Variants in GREB1L observed in about 807,000 individuals in gnomAD.
GREB1L encodes the protein GREB1-like protein.
A neutral mutation model predicts 200.8 loss-of-function variants in GREB1L; 17 were observed. The ratio of observed to expected loss-of-function variants is 0.08; its 90% CI spans 0.06 to 0.13. GREB1L has a LOEUF of 0.13. Among genes scored for constraint, GREB1L ranks in the 10% least tolerant of loss-of-function variants. The pLI, the probability that GREB1L is intolerant of heterozygous loss-of-function variation, is 1.00. For synonymous variants in GREB1L, 789 were observed against 893.0 expected, an observed-to-expected ratio of 0.88 and a Z score of 2.08; for missense variants, 1,657 against 2,367.7, an observed-to-expected ratio of 0.70 and a Z score of 6.23.
intron 1 of GREB1L, among the ~76,000 whole-genome samples, chr18:21,311,103 TTGG>T (rs951185453): frequency 2.6e-4 from 40 of 152,152 alleles, no homozygotes; most frequent in Non-Finnish European, 5.6e-4. Flanking sequence ...ACTTTAACAC[TTGG>T]TGAGGGACAG....
chr18:21,409,969 C>T (rs2030761302), intron 7 of GREB1L, among the ~76,000 whole-genome samples: 1 of 151,986 alleles, frequency 6.6e-6, no homozygotes, highest in Admixed American at 6.6e-5. Flanking sequence ...CTCTGTATCA[C>T]CTAGTACCAG....
At chr18:21,288,152 T>C (rs1347130135) in intron 1 of GREB1L, among the ~76,000 whole-genome samples, 1 of 152,136 alleles carries the variant, frequency 6.6e-6, no homozygotes, top group Non-Finnish European at 1.5e-5. Context: ...TATTACTTTT[T>C]CCCCCATTCT....
At chr18:21,420,240 C>T (rs1390873866) in intron 7 of GREB1L, among the ~76,000 whole-genome samples, 2 of 151,874 alleles carry the variant, frequency 1.3e-5, no homozygotes, top group Admixed American at 6.6e-5. Flanking sequence ...GGCATGGTGG[C>T]GGGTGCCTGT....
intron 1 of GREB1L, among the ~76,000 whole-genome samples, chr18:21,318,616 A>G (rs1367164852): frequency 3.3e-5 from 5 of 152,174 alleles, no homozygotes; most frequent in Admixed American, 3.3e-4. Flanking sequence ...ACTCAGATAC[A>G]TTTTCATGCA....
chr18:21,404,761 A>C (rs1290855602), intron 7 of GREB1L, among the ~76,000 whole-genome samples: 3 of 152,244 alleles, frequency 2.0e-5, no homozygotes, highest in Non-Finnish European at 4.4e-5. Context: ...AGCCTTGGTT[A>C]TATCTTAGGC....
rs146178839 is a variant in GREB1L, at chr18:21,305,101, G to A, written c.-119-60926G>A. Among the ~76,000 whole-genome samples, 1,162 of 151,842 alleles carry A rather than the reference G, an allele frequency of 7.7e-3. 14 individuals are homozygous for A. The highest frequency in any genetic ancestry group is 0.026 in the African/African-American group (1,088 of 41,402). On this transcript the variant is annotated intron_variant, in intron 1 of 32. Coordinates refer to ENST00000424526, the MANE Select transcript of GREB1L (RefSeq NM_001142966.3). The stretch of plus-strand genomic sequence containing the variant: ...AGCGATTCTCCTGCCTCAGCCTCCC[G>A]AGTAGCTGGGACTACAGGTGCCCAC...
Position 21,440,236 on chromosome 18 carries a change from ATC to A in GREB1L, c.950-29_950-28del, listed in dbSNP as rs545498520. 6.1e-4 allele frequency: 949 copies of A among 1,550,132 alleles called. 7 individuals are homozygous for A. The African/African-American group carries it at 0.012, about 19-fold the overall frequency. On this transcript the variant is annotated intron_variant, in intron 8 of 32. Coordinates refer to ENST00000424526, the MANE Select transcript of GREB1L (RefSeq NM_001142966.3). ...CTTCCACATGGCTGAGAACAAGACT[ATC>A]TCTTTTTTTTGTTTTTTTGTTTGTC... is the stretch of plus-strand genomic sequence containing the variant.
At chr18:21,440,176 T>C (rs2033816600) in intron 8 of GREB1L, 93 bp from the exon 9 acceptor site, 2 of 1,277,852 alleles carry the variant, frequency 1.6e-6, no homozygotes, top group Non-Finnish European at 2.2e-6. Flanking sequence ...TTAAAGGTTC[T>C]GTATTACTTA....
chr18:21,351,301 G>T (rs909371313), intron 1 of GREB1L, among the ~76,000 whole-genome samples: 1 of 152,174 alleles, frequency 6.6e-6, no homozygotes, highest in Non-Finnish European at 1.5e-5. Context: ...TTGGCCAGGA[G>T]TGATGGTTCA....
intron 4 of GREB1L, among the ~76,000 whole-genome samples, chr18:21,394,744 A>G (rs976579059): frequency 6.6e-6 from 1 of 152,068 alleles, no homozygotes; most frequent in African/African-American, 2.4e-5. Flanking sequence ...GATTGGAAGT[A>G]AAATAATCGT....
intron 7 of GREB1L, among the ~76,000 whole-genome samples, chr18:21,426,978 A>AAC (rs1555644927): frequency 2.3e-4 from 19 of 81,100 alleles, no homozygotes; most frequent in African/African-American, 1.7e-3. Flanking sequence ...AAAAACAAAA[A>AAC]AAAAAAAAAC....
At chr18:21,446,653 TATTA>T in intron 11 of GREB1L, among the ~76,000 whole-genome samples, 1 of 152,252 alleles carries the variant, frequency 6.6e-6, no homozygotes, top group Non-Finnish European at 1.5e-5. Context: ...TTTATTTATT[TATTA>T]TTTATTTATT....
intron 7 of GREB1L, among the ~76,000 whole-genome samples, chr18:21,424,941 CATA>C (rs1187225204): frequency 6.6e-6 from 1 of 152,124 alleles, no homozygotes; most frequent in African/African-American, 2.4e-5. Flanking sequence ...TTTCATTTGG[CATA>C]ATGTTTTCAA....
At chr18:21,301,843 A>G (rs2038622359) in intron 1 of GREB1L, among the ~76,000 whole-genome samples, 2 of 152,228 alleles carry the variant, frequency 1.3e-5, no homozygotes, top group Admixed American at 1.3e-4. Context: ...CTAATATGGT[A>G]CAGGCCATTG....
intron 27 of GREB1L, among the ~76,000 whole-genome samples, chr18:21,513,057 G>A (rs1222406720): frequency 9.2e-5 from 14 of 152,108 alleles, no homozygotes; most frequent in Admixed American, 7.2e-4. Context: ...GGTACTAGGC[G>A]CTATCCTGAG....
At chr18:21,316,131 C>T in intron 1 of GREB1L, among the ~76,000 whole-genome samples, 1 of 152,108 alleles carries the variant, frequency 6.6e-6, no homozygotes, top group Admixed American at 6.5e-5. Flanking sequence ...ACCCGCCCAT[C>T]ACATGATGAG....
At chr18:21,302,130 T>G (rs1179369137) in intron 1 of GREB1L, among the ~76,000 whole-genome samples, 3 of 152,188 alleles carry the variant, frequency 2.0e-5, no homozygotes, top group Admixed American at 2.0e-4. Flanking sequence ...CCCTCCCATG[T>G]ATGGCTATAA....
chr18:21,306,931 A>ATATGT (rs1567930294), intron 1 of GREB1L, among the ~76,000 whole-genome samples: 1 of 152,166 alleles, frequency 6.6e-6, no homozygotes, highest in Non-Finnish European at 1.5e-5. Context: ...AAAGATGGTG[A>ATATGT]TATGTTTTAT....
intron 1 of GREB1L, among the ~76,000 whole-genome samples, chr18:21,334,238 C>T (rs1245610479): frequency 1.3e-5 from 2 of 152,060 alleles, no homozygotes; most frequent in African/African-American, 2.4e-5. Context: ...GTAGCCATGA[C>T]GAAGTGAGTG....
Sources: allele counts gnomAD v4.1 joint callset (sites outside exome capture counted in the v4.1 genomes callset), GRCh38; gene constraint gnomAD v4.1.1; transcripts MANE v1.5; gene names NCBI Gene and HGNC (gene_info 2026-07-23, HGNC 2026-07-21).